Variants in MPV17L2 observed in about 807,000 individuals in gnomAD.
MPV17L2 encodes MPV17 mitochondrial inner membrane protein like 2, also known as mpv17-like protein 2.
Under a neutral mutation model 24.2 loss-of-function variants are expected in MPV17L2, and 25 were observed. The ratio of observed to expected loss-of-function variants is 1.03; its 90% CI spans 0.75 to 1.44. The LOEUF (loss-of-function observed/expected upper bound fraction) is 1.44, where lower values mean the gene tolerates loss of function less well. Ranked by LOEUF, MPV17L2 falls within the 40% of genes most tolerant of loss-of-function variation. The probability of loss-of-function intolerance (pLI) is 0.00; values close to 1 mark genes in which losing one functional copy is unlikely to be tolerated. For synonymous variants in MPV17L2, 130 were observed against 121.4 expected (o/e 1.07, Z -0.46); for missense variants, 271 against 276.2 (o/e 0.98, Z 0.13).
In MPV17L2 at chr19:18,195,945, G is replaced by A. The variant is rs1967509667; in HGVS notation, c.565-54G>A. ...CCTCTGGCCCAAGGGCAGGTAGAGGGACAGGGAGGGATGAGCCAGGCTTCT... is the reference window on the plus strand; with the variant it reads ...CCTCTGGCCCAAGGGCAGGTAGAGGAACAGGGAGGGATGAGCCAGGCTTCT... On this transcript the variant is annotated intron_variant, in intron 4 of 4. Coordinates refer to ENST00000599612, the MANE Select transcript of MPV17L2 (RefSeq NM_032683.3). 16 of 1,550,834 alleles carry A rather than the reference G, an allele frequency of 1.0e-5. No individual in the cohort carries two copies. In the South Asian group the frequency reaches 2.0e-4, roughly 19 times the overall value.
Position 18,193,995 on chromosome 19 carries a change from C to T in MPV17L2, c.319C>T (p.Leu107=). The change falls in exon 2 of 5, where the codon CTG becomes TTG. Residue 107 remains leucine, a synonymous_variant. Transcript: ENST00000599612. ...CCTCAAGAAGGTCCTCGTGGATCAGCTGGTAGCCTCTCCATTGCTGGGCGT... is the reference window on the plus strand; with the variant it reads ...CCTCAAGAAGGTCCTCGTGGATCAGTTGGTAGCCTCTCCATTGCTGGGCGT... ...NVLKKVLVDQ[L]VASPLLGVWY... The T allele has an allele frequency of 6.2e-7, 1 of 1,614,248 alleles. No homozygotes were observed. Among genetic ancestry groups the T allele is most frequent in the Non-Finnish European group, 8.5e-7 (1 of 1,180,042 alleles).
chr19:18,193,318 T>C lies in MPV17L2; in HGVS notation c.37T>C (p.Leu13=). The change falls in exon 1 of 5, where the codon TTA becomes CTA. Residue 13 remains leucine (L), a synonymous_variant. Transcript: ENST00000599612. ...RGGWRRLRRL[L]SAGQLLFQGR... ...TGGCTGGCGCCGGCTACGCCGCCTG[T>C]TATCCGCGGGGCAGCTTCTATTCCA... The C allele has an allele frequency of 6.4e-7, 1 of 1,555,028 alleles. No individual in the cohort carries two copies. Among genetic ancestry groups the C allele is most frequent in the Admixed American group, 1.9e-5 (1 of 53,538 alleles).
chr19:18,194,813 G>A lies in MPV17L2; in HGVS notation c.395G>A (p.Ser132Asn), dbSNP rs199816189. 215 of 1,610,292 alleles carry A rather than the reference G, an allele frequency of 1.3e-4. No individual in the cohort carries two copies. Among genetic ancestry groups the A allele is most frequent in the Non-Finnish European group, 1.7e-4 (202 of 1,178,998 alleles). ...CTGGAGGGTCAGACAGTGGGTGAGA[G>A]CTGCCAGGAGCTGCGGGAGAAGTTC... ...GCLEGQTVGE[S>N]CQELREKFWE... The change falls in exon 3 of 5, where the codon AGC becomes AAC. Residue 132 changes from serine to asparagine, a missense_variant. Transcript: ENST00000599612.
chr19:18,193,500 C>A, intron 1 of MPV17L2, 32 bp downstream of exon 1: 1 of 1,452,038 alleles, frequency 6.9e-7, no homozygotes, highest in East Asian at 2.6e-5. Flanking sequence ...GTCCTTCACC[C>A]CGGGCGACCT....
chr19:18,194,288 A>C, intron 2 of MPV17L2: 2 of 525,884 alleles, frequency 3.8e-6, no homozygotes, highest in Non-Finnish European at 6.9e-6. Flanking sequence ...AAAGAAGGGG[A>C]CCACACTCAG....
At chr19:18,195,589 T>C (rs1395896358) in intron 4 of MPV17L2, among the ~76,000 whole-genome samples, 4 of 150,156 alleles carry the variant, frequency 2.7e-5, no homozygotes, top group African/African-American at 7.4e-5. Context: ...ATCCCAGCAC[T>C]TTGGGAGGCC....
Position 18,194,963 on chromosome 19 carries a change from C to G in MPV17L2, c.441C>G (p.Asp147Glu). The G allele has an allele frequency of 6.2e-7, 1 of 1,612,926 alleles. No individual in the cohort carries two copies. The highest frequency in any genetic ancestry group is 8.5e-7 in the Non-Finnish European group (1 of 1,179,316). Residue 147 changes from aspartate to glutamate, a missense_variant, in exon 4 of 5, where the codon GAC (aspartate) becomes GAG (glutamate). Coordinates refer to ENST00000599612, the MANE Select transcript of MPV17L2 (RefSeq NM_032683.3). ...REKFWEFYKA[D>E]WCVWPAAQFV... ...TCCCCCGCCTCTCCCCGCAGGCAGACTGGTGCGTGTGGCCTGCTGCGCAGT... is the reference window on the plus strand; with the variant it reads ...TCCCCCGCCTCTCCCCGCAGGCAGAGTGGTGCGTGTGGCCTGCTGCGCAGT...
chr19:18,193,402 GAT>G lies in MPV17L2; in HGVS notation c.122_123del (p.Asp41GlyfsTer90). ...CTGCGGCGCGCTCATGGCGGCCGGT[GAT>G]GGCGTGCGCCAGTCCTGGGAGATCC... Reference protein sequence around the residue: ...LGCGALMAAGDGVRQSWEIRA... With the variant: ...LGCGALMAAGXGVRQSWEIRA... On this transcript the variant is annotated frameshift_variant, in exon 1 of 5. Transcript: ENST00000599612. LOFTEE classifies it high-confidence loss of function. The G allele has an allele frequency of 3.2e-6, 5 of 1,570,484 alleles. No homozygotes were observed. Among genetic ancestry groups the G allele is most frequent in the Non-Finnish European group, 4.3e-6 (5 of 1,165,914 alleles).
rs779821804 is a variant in MPV17L2, at chr19:18,193,860, A to G, written c.188-4A>G. The G allele has an allele frequency of 5.0e-6, 8 of 1,613,964 alleles. No individual in the cohort carries two copies. The highest frequency in any genetic ancestry group is 6.8e-6 in the Non-Finnish European group (8 of 1,179,974). ...ACCCAGCCCCCTGACTTACACTCTT[A>G]TAGCGAGCATGTTTGCGGTGGGCTG... On this transcript the variant is annotated splice_polypyrimidine_tract_variant and splice_region_variant and intron_variant, in intron 1 of 4. Transcript: ENST00000599612.
Position 18,196,356 on chromosome 19 carries a change from A to G in MPV17L2, c.*301A>G. ...AGGGCCCACTCTGCCAACCAGTCTC[A>G]AGCACCAGCCCCTCAACACTGCCAT... On this transcript the variant is annotated 3_prime_UTR_variant, in exon 5 of 5. Coordinates refer to ENST00000599612, the MANE Select transcript of MPV17L2 (RefSeq NM_032683.3). 7.3e-7 allele frequency: 1 copy of G among 1,366,464 alleles called. No homozygotes were observed. The highest frequency in any genetic ancestry group is 1.5e-5 in the African/African-American group (1 of 68,712). The allele number at this position is 1,366,464 out of a possible 1,614,324, so 84.6% of individuals were successfully genotyped here.
rs961187872 is a variant in MPV17L2 at position 18,194,869 on chromosome 19, C to T, written c.435+16C>T. The T allele has an allele frequency of 1.2e-6, 2 of 1,602,932 alleles. No homozygotes were observed. Among genetic ancestry groups the T allele is most frequent in the East Asian group, 2.2e-5 (1 of 44,476 alleles). ...ATTCTACAAGGTGGGAGCACCCGCC[C>T]CTTGCACATGTCCGGCCCCGCCCCC... On this transcript the variant is annotated intron_variant, in intron 3 of 4. Coordinates refer to ENST00000599612, the MANE Select transcript of MPV17L2 (RefSeq NM_032683.3).
chr19:18,196,120 G>A lies in MPV17L2; in HGVS notation c.*65G>A, dbSNP rs769217544. The A allele has an allele frequency of 8.1e-6, 13 of 1,611,960 alleles. No homozygotes were observed. In the South Asian group the frequency reaches 1.3e-4, roughly 16 times the overall value. ...GCGGACCACCCCCTCTGACAGAAGG[G>A]GAATGGGCTCCTGCAGCAAGCTCGG... On this transcript the variant is annotated 3_prime_UTR_variant, in exon 5 of 5. Transcript: ENST00000599612.
chr19:18,194,669 C>A, intron 2 of MPV17L2, 108 bp from the exon 3 acceptor site: 1 of 921,480 alleles, frequency 1.1e-6, no homozygotes, highest in Non-Finnish European at 1.7e-6. Flanking sequence ...GGGTGGGCGG[C>A]GTGGGCTCTC....
intron 1 of MPV17L2, 128 bp from the exon 2 acceptor site, chr19:18,193,736 G>T (rs1041645446): frequency 1.3e-6 from 2 of 1,491,982 alleles, no homozygotes; most frequent in Non-Finnish European, 1.8e-6. Flanking sequence ...GGCTCTTCCG[G>T]TTTTCCCGGT....
rs867686816 is a variant in MPV17L2, at chr19:18,196,779, G to C, written c.*724G>C. 6.3e-6 allele frequency: 2 copies of C among 318,456 alleles called. No homozygotes were observed. The highest frequency in any genetic ancestry group is 1.2e-5 in the Non-Finnish European group (2 of 162,990). The allele number at this position is 318,456 out of a possible 1,614,324, so 19.7% of individuals were successfully genotyped here. ...ATCAAAACCAGGGTGGGCAGGACCC[G>C]GTGCTCACAGGGACACACATGGATG... On this transcript the variant is annotated 3_prime_UTR_variant, in exon 5 of 5. Transcript: ENST00000599612.
At chr19:18,195,832 G>A (rs1041370938) in intron 4 of MPV17L2, among the ~76,000 whole-genome samples, 167 bp from the exon 5 acceptor site, 2 of 152,340 alleles carry the variant, frequency 1.3e-5, no homozygotes, top group South Asian at 2.1e-4. Context: ...TCGAGACTCC[G>A]TCTCAAACAA....
At chr19:18,194,907 C>T (rs748230066) in intron 3 of MPV17L2, 51 bp from the exon 4 acceptor site, 3 of 1,587,330 alleles carry the variant, frequency 1.9e-6, no homozygotes, top group African/African-American at 1.3e-5. Context: ...ATGGCCGCTC[C>T]GCCCCCGCCC....
intron 1 of MPV17L2, 103 bp downstream of exon 1, chr19:18,193,571 G>A: frequency 1.4e-6 from 2 of 1,411,210 alleles, no homozygotes; most frequent in African/African-American, 1.5e-5. Context: ...TCCCCCGCAG[G>A]ACCCTTGCCC....
rs746106099 is a variant in MPV17L2 at position 18,195,102 on chromosome 19, A to C, written c.564+16A>C. 53 of 1,611,986 alleles carry C rather than the reference A, an allele frequency of 3.3e-5. No individual in the cohort carries two copies. Among genetic ancestry groups the C allele is most frequent in the Non-Finnish European group, 4.5e-5 (53 of 1,178,736 alleles). On this transcript the variant is annotated intron_variant, in intron 4 of 4. Transcript: ENST00000599612. ...GAAGTACCGGGTGAGTGTGGAGGGC[A>C]TACCAGGCACCCAGGGGACTCCCCA... is the stretch of plus-strand genomic sequence containing the variant.
Sources: gnomAD v4.1 joint callset for allele counts (sites outside exome capture counted in the v4.1 genomes callset) on GRCh38, gnomAD v4.1.1 for gene constraint, MANE v1.5 for transcripts, NCBI Gene and HGNC (gene_info 2026-07-23, HGNC 2026-07-21) for gene names.